ABLIM2: variants seen among roughly 807,000 people sequenced by gnomAD.
ABLIM2 encodes the protein actin binding LIM protein family member 2, also known as actin-binding LIM protein 2.
Under a neutral mutation model 97.7 loss-of-function variants are expected in ABLIM2, and 53 were observed. The observed-to-expected ratio is 0.54, with a 90% CI of 0.44 to 0.68. The LOEUF (loss-of-function observed/expected upper bound fraction) is 0.68. ABLIM2 is among the 30% of genes least tolerant of loss of function. The pLI, the probability that ABLIM2 is intolerant of heterozygous loss-of-function variation, is 0.00. For synonymous variants in ABLIM2, 361 were observed against 345.8 expected (o/e 1.04, Z -0.49); for missense variants, 835 against 867.2 (o/e 0.96, Z 0.47).
intron 1 of ABLIM2, among the ~76,000 whole-genome samples, chr4:8,114,243 C>A (rs112818310): frequency 6.6e-6 from 1 of 152,000 alleles, no homozygotes; most frequent in East Asian, 1.9e-4. Context: ...CAGTCCTTGC[C>A]GGGAGACAGG....
chr4:8,077,951 A>G (rs1817325707), intron 5 of ABLIM2, among the ~76,000 whole-genome samples: 1 of 152,238 alleles, frequency 6.6e-6, no homozygotes, highest in African/African-American at 2.4e-5. Context: ...ACTGAGGAGC[A>G]CAGGCCAGAC....
chr4:8,040,232 C>T lies in ABLIM2; in HGVS notation c.901-3937G>A, dbSNP rs367560608. On this transcript the variant is annotated intron_variant, in intron 9 of 20. Coordinates refer to ENST00000447017, the MANE Select transcript of ABLIM2 (RefSeq NM_001130083.2). The stretch of plus-strand genomic sequence containing the variant: ...ACCCGACGGGGACATGGAACGGCCC[C>T]TTTCTGAGACCGTGGGGGTGCTCAG... Among the ~76,000 whole-genome samples the T allele has an allele frequency of 5.0e-3, 760 of 152,304 alleles. 8 individuals are homozygous for T. The highest frequency in any genetic ancestry group is 0.017 in the African/African-American group (711 of 41,566).
chr4:7,972,630 T>C (rs898156751), intron 20 of ABLIM2, among the ~76,000 whole-genome samples: 1 of 152,212 alleles, frequency 6.6e-6, no homozygotes, highest in African/African-American at 2.4e-5. Flanking sequence ...CAGCTTCCAC[T>C]GCCTGTCCTG....
At chr4:8,105,619 G>A (rs933838439) in intron 2 of ABLIM2, among the ~76,000 whole-genome samples, 3 of 152,250 alleles carry the variant, frequency 2.0e-5, no homozygotes, top group Non-Finnish European at 4.4e-5. Context: ...TTATGGTTAA[G>A]CGAGTGTGAA....
At chr4:8,092,731 C>A (rs141632823) in intron 3 of ABLIM2, among the ~76,000 whole-genome samples, 21 of 152,296 alleles carry the variant, frequency 1.4e-4, no homozygotes, top group African/African-American at 4.8e-4. Context: ...AGTGCTCCTG[C>A]GGCTTGCGTT....
At chr4:7,981,921 T>C (rs185755554) in intron 20 of ABLIM2, among the ~76,000 whole-genome samples, 1 of 152,298 alleles carries the variant, frequency 6.6e-6, no homozygotes, top group African/African-American at 2.4e-5. Context: ...ACACAGCCTG[T>C]AGCACCTGCT....
chr4:8,035,900 T>G (rs764403283), intron 10 of ABLIM2, among the ~76,000 whole-genome samples: 4 of 152,220 alleles, frequency 2.6e-5, no homozygotes, highest in Non-Finnish European at 4.4e-5. Context: ...TACTTTCTAC[T>G]CCATTTAAGG....
intron 20 of ABLIM2, among the ~76,000 whole-genome samples, chr4:7,979,019 C>T (rs112327867): frequency 0.06 from 9,118 of 152,284 alleles, 832 homozygotes; most frequent in African/African-American, 0.2. Flanking sequence ...TGCACACTCA[C>T]TCTGCGCAGA....
intron 3 of ABLIM2, among the ~76,000 whole-genome samples, chr4:8,092,987 T>G (rs1829662486): frequency 6.6e-6 from 1 of 152,128 alleles, no homozygotes; most frequent in Non-Finnish European, 1.5e-5. Flanking sequence ...TAGCTGGGAT[T>G]ACAGGCGCCC....
rs190446019 is a variant in ABLIM2, at chr4:8,101,704, G to A, written c.155-4422C>T. Among the ~76,000 whole-genome samples, 71 of 152,240 alleles carry A rather than the reference G, an allele frequency of 4.7e-4. 1 individual carries two copies. Among genetic ancestry groups the A allele is most frequent in the Non-Finnish European group, 2.2e-4 (15 of 68,018 alleles). ...CTTCCAATAGGACCAGAAAATGCCCGCTCTCCCGAGGGCACACATGGGTGT... is the reference window on the plus strand; with the variant it reads ...CTTCCAATAGGACCAGAAAATGCCCACTCTCCCGAGGGCACACATGGGTGT... On this transcript the variant is annotated intron_variant, in intron 2 of 20. Transcript: ENST00000447017.
chr4:8,078,890 C>A (rs970376679), intron 5 of ABLIM2, among the ~76,000 whole-genome samples: 2 of 152,254 alleles, frequency 1.3e-5, no homozygotes, highest in African/African-American at 4.8e-5. Flanking sequence ...GAGGTACCTG[C>A]CACTCCAATG....
chr4:7,993,954 G>A (rs78084775), intron 16 of ABLIM2: 2 of 513,114 alleles, frequency 3.9e-6, no homozygotes, highest in African/African-American at 1.9e-5. Flanking sequence ...TCAATACCAC[G>A]TGATGGGAGA....
rs1578384690 is a variant in ABLIM2, at chr4:8,003,966, G to A, written c.1618+4093C>T. Among the ~76,000 whole-genome samples, 1 of 152,062 alleles carries A rather than the reference G, an allele frequency of 6.6e-6. No homozygotes were observed. Among genetic ancestry groups the A allele is most frequent in the Non-Finnish European group, 1.5e-5 (1 of 68,030 alleles). On this transcript the variant is annotated intron_variant, in intron 16 of 20. Transcript: ENST00000447017. The surrounding 1 kb of genome is among the most constrained non-coding windows in gnomAD (Gnocchi z 4.2). Reference sequence around the variant, plus strand: ...TGCCCGTCCCACCAGATATCCTCACGAGATTGACAGTAGCACGTCAGGGAG... The same window carrying A: ...TGCCCGTCCCACCAGATATCCTCACAAGATTGACAGTAGCACGTCAGGGAG...
chr4:7,988,225 G>C (rs759649751), intron 17 of ABLIM2, among the ~76,000 whole-genome samples: 1 of 152,124 alleles, frequency 6.6e-6, no homozygotes, highest in South Asian at 2.1e-4. Flanking sequence ...GTTTCACCAC[G>C]TTGGCCAGGC....
chr4:8,049,427 T>C (rs1579787832), intron 8 of ABLIM2, among the ~76,000 whole-genome samples: 1 of 152,310 alleles, frequency 6.6e-6, no homozygotes, highest in Admixed American at 6.5e-5. Context: ...TCCCCAGCCA[T>C]CTCAATGGAC....
chr4:8,123,233 C>T lies in ABLIM2; in HGVS notation c.11-16596G>A, dbSNP rs1373453771. The stretch of plus-strand genomic sequence containing the variant: ...GGGTCTCTAATCCCTGCCTGGCCCT[C>T]CCCTGTGCAGGCATGGTGTGGGCAC... On this transcript the variant is annotated intron_variant, in intron 1 of 20. Transcript: ENST00000447017. This position sits in a 1 kb window ranked among gnomAD's most constrained non-coding sequence, Gnocchi z 6.2. Among the ~76,000 whole-genome samples the T allele has an allele frequency of 6.6e-6, 1 of 152,190 alleles. No homozygotes were observed. Among genetic ancestry groups the T allele is most frequent in the East Asian group, 1.9e-4 (1 of 5,192 alleles).
rs1169560162 is a variant in ABLIM2 at position 8,068,947 on chromosome 4, C to T, written c.676-7893G>A. Among the ~76,000 whole-genome samples the T allele has an allele frequency of 6.6e-6, 1 of 152,260 alleles. No individual in the cohort carries two copies. The highest frequency in any genetic ancestry group is 1.5e-5 in the Non-Finnish European group (1 of 68,044). On this transcript the variant is annotated intron_variant, in intron 6 of 20. Coordinates refer to ENST00000447017, the MANE Select transcript of ABLIM2 (RefSeq NM_001130083.2). This position sits in a 1 kb window ranked among gnomAD's most constrained non-coding sequence, Gnocchi z 4.5. ...GGATCCCCCTGGGGGTGTTTGGCGG[C>T]CAGGACAGAATCCCCAGAATCCCCA...
At chr4:8,146,232 C>T (rs1410907179) in intron 1 of ABLIM2, among the ~76,000 whole-genome samples, 1 of 152,150 alleles carries the variant, frequency 6.6e-6, no homozygotes, top group Non-Finnish European at 1.5e-5. Flanking sequence ...GTCCTCAGGA[C>T]CTCACACAGG....
At chr4:8,030,243 C>T (rs1327835792) in intron 10 of ABLIM2, among the ~76,000 whole-genome samples, 1 of 152,152 alleles carries the variant, frequency 6.6e-6, no homozygotes, top group Non-Finnish European at 1.5e-5. Context: ...CACCCCAGGC[C>T]GGGAAGCCCA....
Sources: allele counts gnomAD v4.1 joint callset (sites outside exome capture counted in the v4.1 genomes callset), GRCh38; gene constraint gnomAD v4.1.1; non-coding constraint Gnocchi (gnomAD v3.1); transcripts MANE v1.5; gene names NCBI Gene and HGNC (gene_info 2026-07-23, HGNC 2026-07-21).